The following DNAI3 variants were observed in gnomAD, a reference collection of about 807,000 sequenced individuals.
The protein encoded by DNAI3 is dynein axonemal intermediate chain 3, also known as WD repeat domain 63.
DNAI3 carries 83 observed loss-of-function variants against 115.5 expected under a neutral mutation model. That is an observed-to-expected ratio of 0.72 (90% confidence interval 0.60 to 0.86). The LOEUF (loss-of-function observed/expected upper bound fraction) is 0.86. DNAI3 is among the 40% of genes least tolerant of loss of function. The pLI, the probability that DNAI3 is intolerant of heterozygous loss-of-function variation, is 0.00. For synonymous variants in DNAI3, 320 were observed against 347.0 expected (o/e 0.92, Z 0.86); for missense variants, 1,004 against 1,075.8 (o/e 0.93, Z 0.93).
intron 5 of DNAI3, among the ~76,000 whole-genome samples, chr1:85,084,187 GTATATATACACATCTATATGTAGAGA>G (rs1557710546): frequency 7.0e-6 from 1 of 142,806 alleles, no homozygotes; most frequent in Non-Finnish European, 1.5e-5. Context: ...GTGTGTGTGT[GTATATATACACATCTATATGTAGAGA>G]TGTGTATATA....
At chr1:85,065,665 T>G (rs898035) in intron 1 of DNAI3, among the ~76,000 whole-genome samples, 2 of 152,092 alleles carry the variant, frequency 1.3e-5, no homozygotes. Flanking sequence ...TTGTGACATA[T>G]ACTCCCTTCA....
At chr1:85,101,216 C>T (rs185704684) in intron 13 of DNAI3, among the ~76,000 whole-genome samples, 17 of 151,238 alleles carry the variant, frequency 1.1e-4, no homozygotes, top group African/African-American at 4.1e-4. Flanking sequence ...ATCATTATAC[C>T]AGTTTTAAGA....
At chr1:85,097,680 T>C in intron 12 of DNAI3, 25 bp downstream of exon 12, 2 of 1,590,708 alleles carry the variant, frequency 1.3e-6, no homozygotes, top group Non-Finnish European at 1.7e-6. Context: ...ACATTTCACT[T>C]GCAAGTTTTT....
At chr1:85,069,759 A>T (rs1654211053) in intron 1 of DNAI3, among the ~76,000 whole-genome samples, 1 of 152,126 alleles carries the variant, frequency 6.6e-6, no homozygotes, top group East Asian at 1.9e-4. Context: ...ATCAAACTAA[A>T]ATGCAGCTGG....
In DNAI3 at chr1:85,127,766, A is replaced by G. The variant is rs543730116; in HGVS notation, c.2318-942A>G. Among the ~76,000 whole-genome samples the G allele has an allele frequency of 3.9e-5, 6 of 152,288 alleles. No individual in the cohort carries two copies. The South Asian group carries it at 1.2e-3, about 32-fold the overall frequency. Reference sequence around the variant, plus strand: ...GGGATTATGAATCCAGGATTTTGCAATTTGAAGCAGACCTACTAAAAAGGA... The same window carrying G: ...GGGATTATGAATCCAGGATTTTGCAGTTTGAAGCAGACCTACTAAAAAGGA... On this transcript the variant is annotated intron_variant, in intron 20 of 22. Transcript: ENST00000294664.
chr1:85,090,322 G>C, intron 8 of DNAI3, 90 bp downstream of exon 8: 1 of 605,622 alleles, frequency 1.7e-6, no homozygotes, highest in Non-Finnish European at 2.6e-6. Flanking sequence ...ATTCCATATA[G>C]GGTATCTAGA....
At position 85,084,574 on chromosome 1, in the gene DNAI3, A is replaced by C. The variant is rs781238947; in HGVS notation, c.419A>C (p.Glu140Ala). The C allele has an allele frequency of 1.6e-5, 24 of 1,505,718 alleles. No individual in the cohort carries two copies. The highest frequency in any genetic ancestry group is 1.1e-4 in the Admixed American group (5 of 47,016). The allele number at this position is 1,505,718 out of a possible 1,614,324, so 93.3% of individuals were successfully genotyped here. Reference protein sequence around the residue: ...NPPEVPEEQEEYKEHIPEDVY... With the variant: ...NPPEVPEEQEAYKEHIPEDVY... ...CCAGAAGTACCAGAAGAACAAGAAG[A>C]ATATAAAGAACATATTCCTGAAGAT... The change falls in exon 6 of 23, where the codon GAA becomes GCA. Residue 140 changes from glutamate (E) to alanine (A), a missense_variant. Physicochemically the swap from Glu to Ala is moderately radical, Grantham distance 107 (BLOSUM62 -1). Around this residue, in one of 3 missense-constraint regions of DNAI3, gnomAD observed 550 missense variants for 568.1 expected, o/e 0.97. Transcript: ENST00000294664.
intron 1 of DNAI3, among the ~76,000 whole-genome samples, chr1:85,068,914 C>T (rs1392299558): frequency 6.6e-6 from 1 of 152,210 alleles, no homozygotes; most frequent in East Asian, 1.9e-4. Context: ...CATTAGCTCT[C>T]TTGCTTTTTT....
Position 85,110,407 on chromosome 1 carries a change from T to C in DNAI3, c.1786+272T>C, listed in dbSNP as rs6656773. On this transcript the variant is annotated intron_variant, in intron 16 of 22. Coordinates refer to ENST00000294664, the MANE Select transcript of DNAI3 (RefSeq NM_145172.5). The stretch of plus-strand genomic sequence containing the variant: ...CAGAGCTTGCAGTGAGCCGAGATCG[T>C]GCCACTGTACTCCAGTCCGGGCAAC... Among the ~76,000 whole-genome samples, 1,238 of 151,414 alleles carry C rather than the reference T, an allele frequency of 8.2e-3. 16 individuals carry two copies. The highest frequency in any genetic ancestry group is 0.028 in the African/African-American group (1,152 of 41,228).
At chr1:85,068,747 A>G (rs187481850) in intron 1 of DNAI3, among the ~76,000 whole-genome samples, 24 of 152,250 alleles carry the variant, frequency 1.6e-4, no homozygotes, top group Non-Finnish European at 2.4e-4. Context: ...TACCTCCCGT[A>G]CCTGTAAGAG....
chr1:85,073,139 T>C, intron 3 of DNAI3, 47 bp downstream of exon 3: 1 of 1,373,502 alleles, frequency 7.3e-7, no homozygotes, highest in Non-Finnish European at 9.9e-7. Context: ...TTTTATAATA[T>C]TTTAATAATG....
chr1:85,128,746 AC>A lies in DNAI3; in HGVS notation c.2357del (p.Thr786AsnfsTer5). Reference protein sequence around the residue: ...QFIATADYYGTLHILEIPWTL... With the variant: ...QFIATADYYGXLHILEIPWTL... ...TATAGCCACAGCTGATTATTATGGA[AC>A]ACTGCATATATTAGAAATTCCTTGG... On this transcript the variant is annotated frameshift_variant, in exon 21 of 23. Coordinates refer to ENST00000294664, the MANE Select transcript of DNAI3 (RefSeq NM_145172.5). LOFTEE classifies it high-confidence loss of function. The A allele has an allele frequency of 1.2e-6, 2 of 1,612,732 alleles. No homozygotes were observed. The highest frequency in any genetic ancestry group is 1.7e-6 in the Non-Finnish European group (2 of 1,179,746).
intron 16 of DNAI3, among the ~76,000 whole-genome samples, chr1:85,116,545 TG>T (rs1655822258): frequency 6.6e-6 from 1 of 152,224 alleles, no homozygotes; most frequent in South Asian, 2.1e-4. Context: ...CTAATATATT[TG>T]TGTACATGAT....
In DNAI3 at chr1:85,072,798, A is replaced by C. The variant is rs191936077; in HGVS notation, c.65-256A>C. On this transcript the variant is annotated intron_variant, in intron 2 of 22. Transcript: ENST00000294664. ...GTGAAACCCCGTCTCTACTAAAAAT[A>C]CAAAAAATTAGCCGGGTGTGGTGGC... Among the ~76,000 whole-genome samples, 13 of 151,676 alleles carry C rather than the reference A, an allele frequency of 8.6e-5. No homozygotes were observed. The East Asian group carries it at 1.8e-3, about 20-fold the overall frequency.
At chr1:85,097,519 C>A in intron 11 of DNAI3, 50 bp from the exon 12 acceptor site, 1 of 1,515,522 alleles carries the variant, frequency 6.6e-7, no homozygotes, top group Non-Finnish European at 8.9e-7. Flanking sequence ...AATTAAGACT[C>A]AATTAGATAT....
chr1:85,084,165 A>ATG (rs1654715465), intron 5 of DNAI3, among the ~76,000 whole-genome samples: 3 of 101,730 alleles, frequency 2.9e-5, no homozygotes, highest in Non-Finnish European at 4.3e-5. Flanking sequence ...CAGTGTGTGT[A>ATG]TATATATATG....
chr1:85,131,941 G>C (rs1557730470), intron 22 of DNAI3, among the ~76,000 whole-genome samples: 1 of 152,070 alleles, frequency 6.6e-6, no homozygotes, highest in Non-Finnish European at 1.5e-5. Context: ...CCAACTTCTT[G>C]TAACTTTATT....
In DNAI3 at chr1:85,088,771, C is replaced by T. The variant is rs369027835; in HGVS notation, c.741-1345C>T. On this transcript the variant is annotated intron_variant, in intron 7 of 22. Transcript: ENST00000294664. ...AAAAACAACAAAACAAATCATATTT[C>T]GAAAGTAAGAGTGACTCTTAGGCAT... is the stretch of plus-strand genomic sequence containing the variant. 1.1e-3 allele frequency among the ~76,000 whole-genome samples: 171 copies of T among 151,966 alleles called. 2 individuals carry two copies. Among genetic ancestry groups the T allele is most frequent in the African/African-American group, 3.9e-3 (163 of 41,472 alleles).
chr1:85,119,468 G>A (rs1464993871), intron 17 of DNAI3, among the ~76,000 whole-genome samples: 1 of 152,150 alleles, frequency 6.6e-6, no homozygotes, highest in Non-Finnish European at 1.5e-5. Context: ...TATAAAGCAG[G>A]GGAATGACAC....
Sources: allele counts gnomAD v4.1 joint callset (sites outside exome capture counted in the v4.1 genomes callset), GRCh38; gene constraint gnomAD v4.1.1; regional missense constraint gnomAD v4.1.1; transcripts MANE v1.5; gene names NCBI Gene and HGNC (gene_info 2026-07-23, HGNC 2026-07-21).